TENM4: variants seen among roughly 807,000 people sequenced by gnomAD.
The protein encoded by TENM4 is teneurin-4.
TENM4 carries 82 observed loss-of-function variants against 243.3 expected under a neutral mutation model. The observed-to-expected ratio is 0.34, with a 90% confidence interval of 0.28 to 0.40. The LOEUF is 0.40. Among genes scored for constraint, TENM4 ranks in the 10% least tolerant of loss-of-function variants. The pLI is 1.00. For missense variants in TENM4, 3,138 were observed against 3,673.3 expected, an observed-to-expected ratio of 0.85 and a Z score of 3.77; for synonymous variants, 1,412 against 1,456.3, an observed-to-expected ratio of 0.97 and a Z score of 0.69.
Position 78,670,045 on chromosome 11 carries a change from C to T in TENM4, c.6300G>A (p.Glu2100=), listed in dbSNP as rs1858279820. The change falls in exon 32 of 34, where the codon GAG becomes GAA. Residue 2100 remains glutamate, a synonymous_variant. Coordinates refer to ENST00000278550, the MANE Select transcript of TENM4 (RefSeq NM_001098816.3). The stretch of plus-strand genomic sequence containing the variant: ...GATAGAGATCAATGGGCAGTGGGGT[C>T]TCGTTGATCACAGCCTGCATGCTGG... ...RVTSMQAVIN[E]TPLPIDLYRY... 3.1e-6 allele frequency: 5 copies of T among 1,613,968 alleles called. No individual in the cohort carries two copies. The highest frequency in any genetic ancestry group is 3.4e-6 in the Non-Finnish European group (4 of 1,179,884).
At chr11:79,114,369 A>G (rs1861573908) in intron 4 of TENM4, among the ~76,000 whole-genome samples, 1 of 152,230 alleles carries the variant, frequency 6.6e-6, no homozygotes, top group African/African-American at 2.4e-5. Context: ...GGAGATTAAT[A>G]TCTTATACCT....
chr11:79,431,371 T>C (rs1859165960), intron 1 of TENM4, among the ~76,000 whole-genome samples: 1 of 152,238 alleles, frequency 6.6e-6, no homozygotes, highest in South Asian at 2.1e-4. Flanking sequence ...ATTGTTTACC[T>C]TTTTCCTCTC....
chr11:79,176,989 C>T (rs913866575), intron 3 of TENM4, among the ~76,000 whole-genome samples: 3 of 152,134 alleles, frequency 2.0e-5, no homozygotes, highest in Admixed American at 6.5e-5. Flanking sequence ...AGATTCTCTG[C>T]TCTGGTTTCA....
chr11:79,084,578 G>A (rs1370378615), intron 4 of TENM4, among the ~76,000 whole-genome samples: 1 of 152,140 alleles, frequency 6.6e-6, no homozygotes, highest in Non-Finnish European at 1.5e-5. Flanking sequence ...AGGGAATTAT[G>A]CTGAGTCAAC....
chr11:79,285,823 C>T (rs1289952559), intron 2 of TENM4, among the ~76,000 whole-genome samples: 2 of 151,202 alleles, frequency 1.3e-5, no homozygotes, highest in South Asian at 2.1e-4. Context: ...TCAGAACAGG[C>T]AAGTCCATAA....
intron 6 of TENM4, among the ~76,000 whole-genome samples, chr11:79,051,874 C>A (rs573417591): frequency 6.6e-6 from 1 of 152,326 alleles, no homozygotes; most frequent in African/African-American, 2.4e-5. Flanking sequence ...CATGCAGTGT[C>A]TGATTTTCCA....
chr11:79,311,067 A>G (rs2135413246), intron 1 of TENM4, among the ~76,000 whole-genome samples: 1 of 152,334 alleles, frequency 6.6e-6, no homozygotes, highest in African/African-American at 2.4e-5. Context: ...CGATTCAAAT[A>G]GCAGCAAGAT....
intron 4 of TENM4, among the ~76,000 whole-genome samples, chr11:79,108,595 A>G (rs1458235304): frequency 1.3e-5 from 2 of 152,196 alleles, no homozygotes; most frequent in African/African-American, 2.4e-5. Context: ...CTAATATGCC[A>G]TCTTAACCAA....
chr11:78,658,748 G>T lies in TENM4; in HGVS notation c.7620C>A (p.Asp2540Glu). ...TGGTGATTGTGGAGCCATAGAGCTG[G>T]TCAAACCGTTCTAAGGTGACAAAGG... ...LKAFVTLERFDQLYGSTITSC... is the reference protein window; with the variant it reads ...LKAFVTLERFEQLYGSTITSC... The change falls in exon 34 of 34, where the codon GAC (aspartate) becomes GAA (glutamate). Residue 2540 changes from aspartate to glutamate, a missense_variant. By Grantham distance (45) the Asp-to-Glu change is conservative. Around this residue, in one of 2 missense-constraint regions of TENM4, gnomAD observed 2,467 missense variants for 3,059.1 expected, o/e 0.81. Coordinates refer to ENST00000278550, the MANE Select transcript of TENM4 (RefSeq NM_001098816.3). The T allele has an allele frequency of 2.5e-6, 4 of 1,614,022 alleles. No individual in the cohort carries two copies. The highest frequency in any genetic ancestry group is 3.4e-6 in the Non-Finnish European group (4 of 1,179,896).
chr11:79,409,063 TGTG>T (rs1192311315), intron 1 of TENM4, among the ~76,000 whole-genome samples: 3 of 52,424 alleles, frequency 5.7e-5, no homozygotes, highest in African/African-American at 3.1e-4. Flanking sequence ...GGATATTTTG[TGTG>T]TGTGTGTGTG....
intron 12 of TENM4, among the ~76,000 whole-genome samples, chr11:78,847,766 T>C (rs1448723335): frequency 6.6e-6 from 1 of 152,170 alleles, no homozygotes; most frequent in Admixed American, 6.5e-5. Flanking sequence ...GAAGGGGACA[T>C]AAGGAGAGGT....
chr11:78,864,173 TGGATCGGG>T (rs1258124571), intron 9 of TENM4, among the ~76,000 whole-genome samples: 1 of 152,156 alleles, frequency 6.6e-6, no homozygotes, highest in Non-Finnish European at 1.5e-5. Context: ...AGAGATACTA[TGGATCGGG>T]GGATAGGAGG....
At chr11:78,754,179 T>G (rs1201554271) in intron 19 of TENM4, among the ~76,000 whole-genome samples, 1 of 152,250 alleles carries the variant, frequency 6.6e-6, no homozygotes, top group Non-Finnish European at 1.5e-5. Context: ...TCTATTAAGC[T>G]GCTTGTCCAG....
At chr11:78,660,647 G>C (rs1322716642) in intron 33 of TENM4, among the ~76,000 whole-genome samples, 1 of 152,122 alleles carries the variant, frequency 6.6e-6, no homozygotes, top group East Asian at 1.9e-4. Flanking sequence ...TCATCCCCTG[G>C]GCAAGCATCC....
At chr11:78,892,346 T>C (rs774885689) in intron 7 of TENM4, among the ~76,000 whole-genome samples, 12 of 152,186 alleles carry the variant, frequency 7.9e-5, no homozygotes, top group Non-Finnish European at 1.3e-4. Flanking sequence ...CTTCAGCCTG[T>C]TGCATGCACC....
chr11:78,702,082 T>C lies in TENM4; in HGVS notation c.4531A>G (p.Ser1511Gly). Residue 1511 changes from serine to glycine, a missense_variant, in exon 28 of 34, where the codon AGT (serine) becomes GGT (glycine). Ser to Gly is a moderately conservative substitution (Grantham distance 56). This residue lies in a region of TENM4 where 2,467 missense variants were observed against 3,059.1 expected (regional missense o/e 0.81). Transcript: ENST00000278550. ...GCATCATTTTTACAGTCACAGCCAC[T>C]GGGGGCCCCAGCAACGAGTGAGATC... ...GEISLVAGAP[S>G]GCDCKNDANC... 1 of 1,613,888 alleles carries C rather than the reference T, an allele frequency of 6.2e-7. No homozygotes were observed. The highest frequency in any genetic ancestry group is 1.1e-5 in the South Asian group (1 of 91,062).
chr11:78,846,281 T>C (rs971308839), intron 12 of TENM4, among the ~76,000 whole-genome samples: 4 of 152,252 alleles, frequency 2.6e-5, no homozygotes, highest in Non-Finnish European at 5.9e-5. Flanking sequence ...TCATTATTTA[T>C]CTTTACATAT....
chr11:79,260,561 G>A (rs530405373), intron 2 of TENM4, among the ~76,000 whole-genome samples: 1 of 152,192 alleles, frequency 6.6e-6, no homozygotes, highest in Non-Finnish European at 1.5e-5. Flanking sequence ...AGGTCTGTCT[G>A]TTTTCTGACC....
chr11:78,719,943 C>T (rs917088219), intron 25 of TENM4, among the ~76,000 whole-genome samples: 2 of 152,186 alleles, frequency 1.3e-5, no homozygotes, highest in Non-Finnish European at 2.9e-5. Flanking sequence ...ACCTTGAATG[C>T]CCACAGAAGT....
Sources: gnomAD v4.1 joint callset for allele counts (sites outside exome capture counted in the v4.1 genomes callset) on GRCh38, gnomAD v4.1.1 for gene constraint, gnomAD v4.1.1 regional missense constraint, MANE v1.5 for transcripts, NCBI Gene and HGNC (gene_info 2026-07-23, HGNC 2026-07-21) for gene names.